The following FAM135B variants were observed in gnomAD, a reference collection of about 807,000 sequenced individuals.
The protein encoded by FAM135B is protein FAM135B.
Under a neutral mutation model 127.7 loss-of-function variants are expected in FAM135B, and 43 were observed. The ratio of observed to expected loss-of-function variants is 0.34; its 90% CI spans 0.26 to 0.43. FAM135B has a LOEUF of 0.43. Ranked by LOEUF, FAM135B falls within the 20% of genes least tolerant of loss-of-function variation. The probability of loss-of-function intolerance (pLI) is 1.00; values close to 1 mark genes in which losing one functional copy is unlikely to be tolerated. For missense variants in FAM135B, 1,558 were observed against 1,725.6 expected (o/e 0.90, Z 1.72); for synonymous variants, 670 against 665.1 (o/e 1.01, Z -0.11).
Position 138,207,577 on chromosome 8 carries a change from C to T in FAM135B, c.670-9908G>A, listed in dbSNP as rs551125379. On this transcript the variant is annotated intron_variant, in intron 7 of 19. Transcript: ENST00000395297. The stretch of plus-strand genomic sequence containing the variant: ...AGAGATGCCTTCAGCTTTCTGAAGG[C>T]TCCTGAGGGACAGTTCATTGCATAA... Among the ~76,000 whole-genome samples, 14 of 152,230 alleles carry T rather than the reference C, an allele frequency of 9.2e-5. No individual in the cohort carries two copies. In the East Asian group the frequency reaches 2.7e-3, roughly 29 times the overall value.
intron 7 of FAM135B, among the ~76,000 whole-genome samples, chr8:138,239,564 G>C (rs1820570068): frequency 6.6e-6 from 1 of 152,164 alleles, no homozygotes; most frequent in South Asian, 2.1e-4. Flanking sequence ...AGTTTAACTA[G>C]TTCAACATTT....
rs144167742 is a variant in FAM135B at position 138,270,320 on chromosome 8, G to A, written c.158-4478C>T. ...CCTTCCCAACCAAGGTGATACTAGT[G>A]TCAATCACACAGCACAACCTGTTCC... On this transcript the variant is annotated intron_variant, in intron 3 of 19. Transcript: ENST00000395297. Among the ~76,000 whole-genome samples the A allele has an allele frequency of 1.6e-4, 24 of 152,292 alleles. No individual in the cohort carries two copies. The East Asian group carries it at 4.4e-3, about 28-fold the overall frequency.
chr8:138,193,377 C>G (rs755646417), intron 9 of FAM135B, among the ~76,000 whole-genome samples: 6 of 151,956 alleles, frequency 3.9e-5, no homozygotes, highest in Non-Finnish European at 8.8e-5. Flanking sequence ...AAGAGAGACT[C>G]CTGGAAACCT....
chr8:138,475,683 G>C (rs1302293364), intron 1 of FAM135B, among the ~76,000 whole-genome samples: 2 of 152,208 alleles, frequency 1.3e-5, no homozygotes, highest in Non-Finnish European at 1.5e-5. Flanking sequence ...TTACCTCATT[G>C]ATGGTATAGG....
At chr8:138,290,987 TG>T (rs1825067072) in intron 3 of FAM135B, among the ~76,000 whole-genome samples, 1 of 152,178 alleles carries the variant, frequency 6.6e-6, no homozygotes, top group Non-Finnish European at 1.5e-5. Context: ...TCATGCTGCC[TG>T]CCATAGATGA....
intron 1 of FAM135B, among the ~76,000 whole-genome samples, chr8:138,478,415 T>C (rs779069745): frequency 1.3e-5 from 2 of 152,200 alleles, no homozygotes; most frequent in African/African-American, 2.4e-5. Flanking sequence ...CTTTAAAGCC[T>C]TCCTTGATTC....
chr8:138,473,238 C>G (rs2131659580), intron 1 of FAM135B, among the ~76,000 whole-genome samples: 1 of 152,214 alleles, frequency 6.6e-6, no homozygotes, highest in South Asian at 2.1e-4. Flanking sequence ...GACCTAATGT[C>G]TAGCCTGACC....
chr8:138,394,610 G>A (rs188622944), intron 1 of FAM135B, among the ~76,000 whole-genome samples: 33 of 152,336 alleles, frequency 2.2e-4, no homozygotes, highest in Admixed American at 1.1e-3. Context: ...CACTGAGGCA[G>A]GTGACCTTGG....
Position 138,242,974 on chromosome 8 carries a change from C to T in FAM135B, c.637G>A (p.Gly213Arg), listed in dbSNP as rs1239453940. 4 of 1,613,774 alleles carry T rather than the reference C, an allele frequency of 2.5e-6. No homozygotes were observed. The East Asian group carries it at 8.9e-5, about 36-fold the overall frequency. The change falls in exon 7 of 20, where the codon GGA becomes AGA. Residue 213 changes from glycine (G) to arginine (R), a missense_variant. Physicochemically the swap from Gly to Arg is moderately radical, Grantham distance 125. This residue lies in a region of FAM135B where 127 missense variants were observed against 109.7 expected (regional missense o/e 1.16). Coordinates refer to ENST00000395297, the MANE Select transcript of FAM135B (RefSeq NM_015912.4). This position sits in a 1 kb window ranked among gnomAD's most constrained non-coding sequence, Gnocchi z 9.6. ...GAAGTCGGCTTGCAGTACCCAGCTC[C>T]AAAGACCAAGTTTTCCAGAGAAATG... ...SIISLENLVF[G>R]AGYCKPTSSE...
rs116619899 is a variant in FAM135B at position 138,167,545 on chromosome 8, G to A, written c.1258+350C>T. On this transcript the variant is annotated intron_variant, in intron 12 of 19. Coordinates refer to ENST00000395297, the MANE Select transcript of FAM135B (RefSeq NM_015912.4). The stretch of plus-strand genomic sequence containing the variant: ...ACCTGGAAATCATATTTATTTGAAT[G>A]GCACATTTGAGATAAGAAAGAATCT... 8.1e-3 allele frequency among the ~76,000 whole-genome samples: 1,229 copies of A among 152,236 alleles called. 13 individuals carry two copies. The highest frequency in any genetic ancestry group is 0.044 in the Middle Eastern group (13 of 294).
At chr8:138,175,019 C>G (rs1000993366) in intron 11 of FAM135B, among the ~76,000 whole-genome samples, 4 of 152,176 alleles carry the variant, frequency 2.6e-5, no homozygotes, top group Non-Finnish European at 1.5e-5. Context: ...GAATGAAGGA[C>G]TCTTCCCTTT....
intron 3 of FAM135B, among the ~76,000 whole-genome samples, chr8:138,307,704 G>A (rs985459984): frequency 7.0e-6 from 1 of 143,516 alleles, no homozygotes; most frequent in Non-Finnish European, 1.5e-5. Flanking sequence ...GAAACCCTAG[G>A]CAAAAGGTAT....
At chr8:138,495,457 C>T (rs1033564397) in intron 1 of FAM135B, among the ~76,000 whole-genome samples, 1 of 152,180 alleles carries the variant, frequency 6.6e-6, no homozygotes, top group African/African-American at 2.4e-5. Context: ...CAAATCACAT[C>T]CCCTTGGGTA....
intron 11 of FAM135B, among the ~76,000 whole-genome samples, chr8:138,173,740 C>A (rs1249208812): frequency 6.6e-6 from 1 of 152,208 alleles, no homozygotes; most frequent in Admixed American, 6.5e-5. Context: ...ACAATTAACA[C>A]AGGAAATGCA....
intron 7 of FAM135B, among the ~76,000 whole-genome samples, chr8:138,222,728 A>G (rs1367773426): frequency 7.2e-6 from 1 of 139,782 alleles, no homozygotes; most frequent in Non-Finnish European, 1.5e-5. Context: ...TATTCCTTAG[A>G]GTCAAAAAAA....
At chr8:138,327,701 C>T (rs1483941406) in intron 2 of FAM135B, among the ~76,000 whole-genome samples, 4 of 152,150 alleles carry the variant, frequency 2.6e-5, no homozygotes, top group African/African-American at 9.7e-5. Flanking sequence ...ATGGACTAGT[C>T]CCTGACTTGG....
At chr8:138,405,546 T>C (rs7842322) in intron 1 of FAM135B, among the ~76,000 whole-genome samples, 59,707 of 150,706 alleles carry the variant, frequency 0.4, 12,264 homozygotes, top group African/African-American at 0.52. Context: ...CATGAACTCA[T>C]CATTTTTCAT....
At chr8:138,416,808 G>A (rs1012916555) in intron 1 of FAM135B, among the ~76,000 whole-genome samples, 1 of 152,056 alleles carries the variant, frequency 6.6e-6, no homozygotes, top group Non-Finnish European at 1.5e-5. Flanking sequence ...AGTGAATGGA[G>A]GGAGGGTGCA....
intron 1 of FAM135B, among the ~76,000 whole-genome samples, chr8:138,489,396 G>C (rs768082511): frequency 6.6e-6 from 1 of 152,064 alleles, no homozygotes; most frequent in Admixed American, 6.6e-5. Flanking sequence ...TGGTCCTCCT[G>C]TCTCCGTCTC....
Sources: allele counts gnomAD v4.1 joint callset (sites outside exome capture counted in the v4.1 genomes callset), GRCh38; gene constraint gnomAD v4.1.1; regional missense constraint gnomAD v4.1.1; non-coding constraint Gnocchi (gnomAD v3.1); transcripts MANE v1.5; gene names NCBI Gene and HGNC (gene_info 2026-07-23, HGNC 2026-07-21).